Variants in MTTP observed in about 807,000 individuals in gnomAD.
MTTP encodes the protein microsomal triglyceride transfer protein large subunit.
Under a neutral mutation model 90.6 loss-of-function variants are expected in MTTP, and 49 were observed. That is an observed-to-expected ratio of 0.54 (90% CI 0.43 to 0.69). The LOEUF is 0.69. MTTP is among the 30% of genes least tolerant of loss of function. The pLI is 0.00. For synonymous variants in MTTP, 347 were observed against 384.2 expected (o/e 0.90, Z 1.13); for missense variants, 945 against 1,067.5 (o/e 0.89, Z 1.60).
In MTTP at chr4:99,591,303, C is replaced by A. The variant is rs267599963; in HGVS notation, c.570C>A (p.Ala190=). 6.2e-7 allele frequency: 1 copy of A among 1,613,974 alleles called. No homozygotes were observed. The highest frequency in any genetic ancestry group is 8.5e-7 in the Non-Finnish European group (1 of 1,179,920). Residue 190 remains alanine, a synonymous_variant, in exon 5 of 18, where the codon GCC becomes GCA. Coordinates refer to ENST00000265517, the MANE Select transcript of MTTP (RefSeq NM_001386140.1). Reference sequence around the variant, plus strand: ...AAGACAAAGTGATCAAAATTAAGGCCTTGGATTCATGCAAAATAGCGAGGT... The same window carrying A: ...AAGACAAAGTGATCAAAATTAAGGCATTGGATTCATGCAAAATAGCGAGGT... ...AHQDKVIKIK[A]LDSCKIARSG...
At chr4:99,602,855 A>G (rs1725730069) in intron 10 of MTTP, among the ~76,000 whole-genome samples, 1 of 152,140 alleles carries the variant, frequency 6.6e-6, no homozygotes, top group Admixed American at 6.6e-5. Flanking sequence ...TGTACTAGGC[A>G]TGATGCTAGT....
intron 3 of MTTP, 133 bp downstream of exon 3, chr4:99,583,650 C>G: frequency 1.8e-6 from 2 of 1,098,346 alleles, no homozygotes; most frequent in Non-Finnish European, 2.7e-6. Context: ...AACTAAAGAA[C>G]AGAGGTTGTA....
chr4:99,570,860 GAAAAGGTAAGAAACAAATTCTCCCCT>G (rs1724825856), upstream of MTTP: 1 of 440,568 alleles, frequency 2.3e-6, no homozygotes, highest in African/African-American at 2.0e-5. Context: ...CTAGAAGCTA[GAAAAGGTAAGAAACAAATTCTCCCCT>G]AAAGCCTCCA....
chr4:99,578,707 T>G (rs1197384272), intron 1 of MTTP, among the ~76,000 whole-genome samples: 1 of 152,206 alleles, frequency 6.6e-6, no homozygotes, highest in Non-Finnish European at 1.5e-5. Context: ...TACAAATGTT[T>G]CGTAGTTATT....
Position 99,606,909 on chromosome 4 carries a change from C to T in MTTP, c.1506C>T (p.His502=). 6.2e-7 allele frequency: 1 copy of T among 1,613,922 alleles called. No individual in the cohort carries two copies. The highest frequency in any genetic ancestry group is 8.5e-7 in the Non-Finnish European group (1 of 1,179,950). ...AAGCAGGAGAAGGGCCCATCAGCCA[C>T]CTGGCTACCACTGCTCTCCAGAGAT... ...YAEAGEGPIS[H]LATTALQRYD... Residue 502 remains histidine (H), a synonymous_variant, in exon 11 of 18, where the codon CAC becomes CAT. Transcript: ENST00000265517.
At chr4:99,577,605 C>CAAAAAAAAAA (rs10605949) in intron 1 of MTTP, among the ~76,000 whole-genome samples, 7 of 101,256 alleles carry the variant, frequency 6.9e-5, no homozygotes, top group Non-Finnish European at 1.2e-4. Context: ...AACTCTGTTT[C>CAAAAAAAAAA]AAAAAAAAAA....
chr4:99,620,922 C>T, intron 16 of MTTP, 139 bp from the exon 17 acceptor site: 3 of 785,962 alleles, frequency 3.8e-6, no homozygotes, highest in Non-Finnish European at 2.0e-6. Flanking sequence ...TAAGCACATC[C>T]AGGTCACCTC....
intron 3 of MTTP, among the ~76,000 whole-genome samples, chr4:99,586,161 G>C (rs1277105167): frequency 1.3e-5 from 2 of 152,088 alleles, no homozygotes; most frequent in Non-Finnish European, 2.9e-5. Context: ...TTTTAAAAGA[G>C]AGTCCATTAA....
intron 16 of MTTP, chr4:99,620,801 T>C (rs914190303): frequency 5.9e-6 from 3 of 509,026 alleles, no homozygotes. Context: ...TGTAGTATCT[T>C]ACAGACACTC....
At chr4:99,587,346 A>C (rs140242075) in intron 3 of MTTP, among the ~76,000 whole-genome samples, 1 of 152,290 alleles carries the variant, frequency 6.6e-6, no homozygotes, top group African/African-American at 2.4e-5. Flanking sequence ...GGAAGCAATA[A>C]AAACTAATAG....
chr4:99,580,178 T>A (rs1725070174), intron 1 of MTTP, among the ~76,000 whole-genome samples: 1 of 151,570 alleles, frequency 6.6e-6, no homozygotes, highest in African/African-American at 2.4e-5. Context: ...AATGAATGAA[T>A]AAATTTCTAG....
At chr4:99,615,266 A>G (rs1333165829) in intron 15 of MTTP, among the ~76,000 whole-genome samples, 1 of 152,222 alleles carries the variant, frequency 6.6e-6, no homozygotes, top group East Asian at 1.9e-4. Context: ...TAGAGTGAAG[A>G]CAGCCATCAG....
chr4:99,592,644 C>T (rs1725459459), intron 6 of MTTP, among the ~76,000 whole-genome samples: 1 of 152,052 alleles, frequency 6.6e-6, no homozygotes, highest in Admixed American at 6.6e-5. Flanking sequence ...GTGGAAGGCA[C>T]TTACAACCTC....
At chr4:99,567,475 C>G (rs891417272) in intron 1 of MTTP, among the ~76,000 whole-genome samples, 1 of 152,078 alleles carries the variant, frequency 6.6e-6, no homozygotes, top group Non-Finnish European at 1.5e-5. Context: ...AAACTGCCAA[C>G]AAAAAATCAC....
chr4:99,619,073 G>A lies in MTTP; in HGVS notation c.2317G>A (p.Glu773Lys). The change falls in exon 16 of 18, where the codon GAG becomes AAG. Residue 773 changes from glutamate (E) to lysine (K), a missense_variant. Transcript: ENST00000265517. ...AATGGAGTTTAGCTTGTGGTATCGT[G>A]AGTCTAAAACCCGAGTGAAAAATAG... is the stretch of plus-strand genomic sequence containing the variant. The part of the protein sequence containing the change: ...GAMEFSLWYR[E>K]SKTRVKNRVT... 1.9e-6 allele frequency: 3 copies of A among 1,613,578 alleles called. No individual in the cohort carries two copies. The highest frequency in any genetic ancestry group is 1.7e-6 in the Non-Finnish European group (2 of 1,179,604).
intron 4 of MTTP, among the ~76,000 whole-genome samples, chr4:99,590,925 C>A (rs1038461603): frequency 4.6e-5 from 7 of 151,974 alleles, no homozygotes; most frequent in African/African-American, 1.7e-4. Flanking sequence ...CAGAATTACC[C>A]ATTTATCCAA....
chr4:99,580,574 CAAAAAAAAAAAA>C (rs563138284), intron 1 of MTTP, among the ~76,000 whole-genome samples: 9 of 39,880 alleles, frequency 2.3e-4, no homozygotes, highest in African/African-American at 4.9e-4. Context: ...GACTCTGTCT[CAAAAAAAAAAAA>C]AAAAAAAAAA....
chr4:99,604,101 C>G (rs1725759075), intron 10 of MTTP, among the ~76,000 whole-genome samples: 1 of 152,012 alleles, frequency 6.6e-6, no homozygotes, highest in African/African-American at 2.4e-5. Flanking sequence ...TTTGAATTTT[C>G]TGCTGTGAAA....
chr4:99,588,464 ATTAG>A (rs1303240055), intron 3 of MTTP, among the ~76,000 whole-genome samples: 1 of 152,102 alleles, frequency 6.6e-6, no homozygotes, highest in Non-Finnish European at 1.5e-5. Context: ...TTTCTTAAAC[ATTAG>A]TTAAATTATC....
Sources: gnomAD v4.1 joint callset for allele counts (sites outside exome capture counted in the v4.1 genomes callset) on GRCh38, gnomAD v4.1.1 for gene constraint, MANE v1.5 for transcripts, NCBI Gene and HGNC (gene_info 2026-07-23, HGNC 2026-07-21) for gene names.